The following SYT1 variants were observed in gnomAD, a reference collection of about 807,000 sequenced individuals.
SYT1 encodes the protein synaptotagmin 1, also known as synaptotagmin-1.
In SYT1, 8 loss-of-function variants were observed where a neutral mutation model predicts 44.8. That is an observed-to-expected ratio of 0.18 (90% CI 0.10 to 0.32). The LOEUF (loss-of-function observed/expected upper bound fraction) is 0.32, where lower values mean the gene tolerates loss of function less well. SYT1 is among the 10% of genes least tolerant of loss of function. The pLI is 1.00. For missense variants in SYT1, 286 were observed against 509.3 expected (o/e 0.56, Z 4.22); for synonymous variants, 154 against 188.8 (o/e 0.82, Z 1.51).
At chr12:78,882,212 C>A (rs1874497532) in intron 1 of SYT1, among the ~76,000 whole-genome samples, 2 of 151,762 alleles carry the variant, frequency 1.3e-5, no homozygotes, top group South Asian at 4.2e-4. Context: ...ATTGACTGAA[C>A]TTTAAATAGA....
intron 3 of SYT1, among the ~76,000 whole-genome samples, chr12:79,215,918 C>CTTTTTTTTTTTTTTTTTTTTTTTTTTTT: frequency 1.3e-5 from 1 of 76,726 alleles, no homozygotes; most frequent in Non-Finnish European, 2.3e-5. Flanking sequence ...GCATTTCTTT[C>CTTTTTTTTTTTTTTTTTTTTTTTTTTTT]TTTTTTTTTT....
At chr12:78,973,320 C>T (rs981168109) in intron 1 of SYT1, among the ~76,000 whole-genome samples, 1 of 152,114 alleles carries the variant, frequency 6.6e-6, no homozygotes, top group Non-Finnish European at 1.5e-5. Context: ...TAACTATACT[C>T]ACCATGTTGT....
At chr12:78,938,289 A>G (rs1458058563) in intron 1 of SYT1, among the ~76,000 whole-genome samples, 1 of 152,150 alleles carries the variant, frequency 6.6e-6, no homozygotes, top group Admixed American at 6.6e-5. Flanking sequence ...GAGTAAGTCC[A>G]GATCATGCCA....
At chr12:79,226,628 A>C (rs936604473) in intron 4 of SYT1, among the ~76,000 whole-genome samples, 3 of 152,234 alleles carry the variant, frequency 2.0e-5, no homozygotes, top group African/African-American at 7.2e-5. Flanking sequence ...CTAAAACCTT[A>C]AAGTGGTATG....
intron 3 of SYT1, among the ~76,000 whole-genome samples, chr12:79,074,250 T>C (rs1366698987): frequency 1.3e-5 from 2 of 152,174 alleles, no homozygotes; most frequent in Non-Finnish European, 2.9e-5. Context: ...TAACATTCTA[T>C]CACACTGTAT....
At chr12:78,914,998 T>C (rs535070495) in intron 1 of SYT1, among the ~76,000 whole-genome samples, 1 of 152,104 alleles carries the variant, frequency 6.6e-6, no homozygotes, top group South Asian at 2.1e-4. Flanking sequence ...AGAGGAAGTG[T>C]CTTCTGAGCT....
intron 3 of SYT1, among the ~76,000 whole-genome samples, chr12:79,065,184 G>A (rs908735561): frequency 1.3e-5 from 2 of 152,024 alleles, no homozygotes; most frequent in African/African-American, 4.8e-5. Context: ...ATCAGCCTGG[G>A]CAACATGGTG....
chr12:79,431,508 A>ATTTTTTT (rs34091989), intron 9 of SYT1, among the ~76,000 whole-genome samples: 2 of 141,722 alleles, frequency 1.4e-5, no homozygotes, highest in Non-Finnish European at 3.0e-5. Context: ...ATTTTATTTT[A>ATTTTTTT]TTTTATTATT....
chr12:78,971,197 C>G (rs1286184501), intron 1 of SYT1, among the ~76,000 whole-genome samples: 2 of 152,098 alleles, frequency 1.3e-5, no homozygotes, highest in Non-Finnish European at 2.9e-5. Flanking sequence ...AAAATTTTCT[C>G]TCATCATAAT....
At chr12:79,169,322 T>C (rs1309264640) in intron 3 of SYT1, among the ~76,000 whole-genome samples, 2 of 151,472 alleles carry the variant, frequency 1.3e-5, no homozygotes, top group African/African-American at 4.8e-5. Context: ...TGGAAAACTC[T>C]TATAAAATAT....
Position 78,931,339 on chromosome 12 carries a change from AGG to A in SYT1, c.-216-46459_-216-46458del, listed in dbSNP as rs1877714672. Among the ~76,000 whole-genome samples the A allele has an allele frequency of 7.6e-4, 4 of 5,234 alleles. 1 individual carries two copies. 3.4% of individuals were successfully genotyped at this position (5,234 alleles called of 152,430 possible). On this transcript the variant is annotated intron_variant, in intron 1 of 10. Coordinates refer to ENST00000261205, the MANE Select transcript of SYT1 (RefSeq NM_005639.3). ...AGGGAGGGAGGGAGGGAGGGAGGGA[AGG>A]AAGGAAGGAAGGAAGGAAGGAAGGA... is the stretch of plus-strand genomic sequence containing the variant.
chr12:79,274,579 C>G (rs1878613079), intron 4 of SYT1, among the ~76,000 whole-genome samples: 1 of 152,196 alleles, frequency 6.6e-6, no homozygotes, highest in South Asian at 2.1e-4. Flanking sequence ...AAACTTGGCT[C>G]ACCCAACCCC....
intron 3 of SYT1, among the ~76,000 whole-genome samples, chr12:79,135,259 C>A (rs1869117313): frequency 6.7e-6 from 1 of 149,528 alleles, no homozygotes; most frequent in Admixed American, 6.7e-5. Context: ...CCCCCTCCCC[C>A]CATCCCACAA....
intron 4 of SYT1, among the ~76,000 whole-genome samples, chr12:79,249,088 CTTTTTTTTTT>C (rs58983623): frequency 1.1e-4 from 8 of 71,824 alleles, no homozygotes; most frequent in Admixed American, 4.6e-4. Flanking sequence ...TTACCTCTTT[CTTTTTTTTTT>C]TTTTTTTTTT....
chr12:79,042,522 CT>C (rs1184060124), intron 2 of SYT1, among the ~76,000 whole-genome samples: 2 of 144,528 alleles, frequency 1.4e-5, no homozygotes, highest in African/African-American at 5.1e-5. Flanking sequence ...CTCTTTTTTT[CT>C]TTATTAGTCT....
chr12:79,254,191 C>T (rs1356669807), intron 4 of SYT1, among the ~76,000 whole-genome samples: 3 of 152,118 alleles, frequency 2.0e-5, no homozygotes, highest in South Asian at 2.1e-4. Context: ...TTCAAAGTTT[C>T]AAAGGACAGG....
chr12:79,296,346 C>A, intron 7 of SYT1, 110 bp downstream of exon 7: 1 of 1,135,484 alleles, frequency 8.8e-7, no homozygotes, highest in Non-Finnish European at 1.2e-6. Flanking sequence ...CAGGCACTCA[C>A]AATAATTCCA....
At chr12:79,027,253 C>A (rs75138227) in intron 2 of SYT1, among the ~76,000 whole-genome samples, 11,176 of 151,292 alleles carry the variant, frequency 0.074, 514 homozygotes, top group East Asian at 0.15. Flanking sequence ...CTTTGCTGAC[C>A]GCCTACTTTA....
At chr12:79,269,259 T>C (rs1315706094) in intron 4 of SYT1, among the ~76,000 whole-genome samples, 1 of 152,162 alleles carries the variant, frequency 6.6e-6, no homozygotes, top group African/African-American at 2.4e-5. Context: ...TTATTGTAAA[T>C]AAAGTCCCTC....
Sources: allele counts gnomAD v4.1 joint callset (sites outside exome capture counted in the v4.1 genomes callset), GRCh38; gene constraint gnomAD v4.1.1; transcripts MANE v1.5; gene names NCBI Gene and HGNC (gene_info 2026-07-23, HGNC 2026-07-21).